The following NLRP14 variants were observed in gnomAD, a reference collection of about 807,000 sequenced individuals.
NLRP14 encodes NLR family pyrin domain containing 14, also known as NACHT, LRR and PYD domains-containing protein 14.
A neutral mutation model predicts 94.7 loss-of-function variants in NLRP14; 105 were observed. That is an observed-to-expected ratio of 1.11 (90% confidence interval 0.95 to 1.30). NLRP14 has a LOEUF of 1.30. Ranked by LOEUF, NLRP14 falls within the 50% of genes most tolerant of loss-of-function variation. The pLI is 0.00. For synonymous variants in NLRP14, 508 were observed against 459.9 expected, an observed-to-expected ratio of 1.10 and a Z score of -1.34; for missense variants, 1,362 against 1,254.1, an observed-to-expected ratio of 1.09 and a Z score of -1.30.
chr11:7,069,557 AG>A (rs1216663170), intron 10 of NLRP14, among the ~76,000 whole-genome samples: 1 of 152,230 alleles, frequency 6.6e-6, no homozygotes, highest in Non-Finnish European at 1.5e-5. Context: ...TATTCGAAAT[AG>A]GCCATGTAAT....
intron 6 of NLRP14, among the ~76,000 whole-genome samples, chr11:7,052,968 T>C (rs1028975918): frequency 1.1e-4 from 16 of 152,206 alleles, no homozygotes; most frequent in Admixed American, 1.0e-3. Context: ...ATTTCTTTTA[T>C]TCATTAATAA....
In NLRP14 at chr11:7,042,320, A is replaced by G. The variant is rs1852264669; in HGVS notation, c.362-68A>G. On this transcript the variant is annotated intron_variant, in intron 3 of 11. Coordinates refer to ENST00000299481, the MANE Select transcript of NLRP14 (RefSeq NM_176822.4). ...CCAAGTTCGGTATTCTTGACATTAC[A>G]TTTCATAGAATTTGTTTTGATCATG... is the stretch of plus-strand genomic sequence containing the variant. The G allele has an allele frequency of 2.2e-5, 29 of 1,306,210 alleles. No homozygotes were observed. The South Asian group carries it at 3.0e-4, about 13-fold the overall frequency. 80.9% of individuals were successfully genotyped at this position (1,306,210 alleles called of 1,614,324 possible). A position where few individuals can be genotyped will look rare whatever the true frequency, so the allele number is the denominator to read the frequency against.
the NLRP14 span, chr11:7,089,774 C>T: frequency 5.7e-6 from 9 of 1,585,698 alleles, no homozygotes; most frequent in South Asian, 2.2e-5. Context: ...CGTCCAGAGA[C>T]GGCTACTCGA....
intron 10 of NLRP14, among the ~76,000 whole-genome samples, chr11:7,064,726 A>G (rs930825497): frequency 6.6e-6 from 1 of 152,178 alleles, no homozygotes; most frequent in African/African-American, 2.4e-5. Flanking sequence ...TATTATCTGA[A>G]TATCAAAGGC....
chr11:7,083,562 C>T, the NLRP14 span, among the ~76,000 whole-genome samples: 14 of 152,326 alleles, frequency 9.2e-5, no homozygotes, highest in Admixed American at 9.2e-4. Context: ...TGTTCAGGGT[C>T]TTCTCCCAGG....
chr11:7,089,044 C>G, the NLRP14 span: 4 of 1,515,408 alleles, frequency 2.6e-6, no homozygotes, highest in East Asian at 7.2e-5. Context: ...CCGCCCTCGA[C>G]GAGCGAGCTC....
chr11:7,022,217 G>T (rs1307746430), intron 1 of NLRP14, among the ~76,000 whole-genome samples: 1 of 152,084 alleles, frequency 6.6e-6, no homozygotes. Flanking sequence ...GAAAATTATT[G>T]GTCATGGACC....
chr11:7,067,261 G>C lies in NLRP14; in HGVS notation c.2976-3025G>C, dbSNP rs182766740. Reference sequence around the variant, plus strand: ...AAGAAAGTCAATAGTAGCTTGATGGGGATAGCATTGAACCTATAAATTACT... The same window carrying C: ...AAGAAAGTCAATAGTAGCTTGATGGCGATAGCATTGAACCTATAAATTACT... On this transcript the variant is annotated intron_variant, in intron 10 of 11. Transcript: ENST00000299481. Among the ~76,000 whole-genome samples, 57 of 152,170 alleles carry C rather than the reference G, an allele frequency of 3.7e-4. No homozygotes were observed. In the East Asian group the frequency reaches 4.4e-3, roughly 12 times the overall value.
At chr11:7,062,047 T>A (rs1161175273) in intron 9 of NLRP14, among the ~76,000 whole-genome samples, 1 of 152,054 alleles carries the variant, frequency 6.6e-6, no homozygotes, top group Non-Finnish European at 1.5e-5. Flanking sequence ...GGAAAGTTTA[T>A]ATTCATTTTT....
At chr11:7,089,513 C>T in the NLRP14 span, 3 of 1,223,496 alleles carry the variant, frequency 2.5e-6, no homozygotes, top group East Asian at 3.9e-5. Flanking sequence ...ATGATGACGG[C>T]GGCTACACGG....
intron 1 of NLRP14, among the ~76,000 whole-genome samples, chr11:7,024,774 A>AGTCT (rs1851991717): frequency 1.2e-5 from 1 of 84,222 alleles, no homozygotes; most frequent in Non-Finnish European, 2.7e-5. Context: ...ATGTGAAAAA[A>AGTCT]GTATGTATTT....
chr11:7,033,572 A>G (rs1027260461), intron 1 of NLRP14, among the ~76,000 whole-genome samples: 11 of 152,212 alleles, frequency 7.2e-5, no homozygotes, highest in Admixed American at 6.5e-4. Flanking sequence ...CTGGGTGGAC[A>G]TCTTCAATTT....
chr11:7,069,227 A>G (rs1200637576), intron 10 of NLRP14, among the ~76,000 whole-genome samples: 1 of 152,198 alleles, frequency 6.6e-6, no homozygotes, highest in East Asian at 1.9e-4. Context: ...TTTGTGTGAT[A>G]TTTACATACC....
chr11:7,042,948 A>C lies in NLRP14; in HGVS notation c.922A>C (p.Arg308=), dbSNP rs752518751. 5 of 1,614,010 alleles carry C rather than the reference A, an allele frequency of 3.1e-6. No individual in the cohort carries two copies. In the East Asian group the frequency reaches 1.1e-4, roughly 36 times the overall value. Residue 308 remains arginine, a synonymous_variant, in exon 4 of 12, where the codon AGA becomes CGA. Transcript: ENST00000299481. Reference sequence around the variant, plus strand: ...TGAGGCATCCTTATTGGTGACAACAAGACTCACAACTTCTAAGAGACTAAA... The same window carrying C: ...TGAGGCATCCTTATTGGTGACAACACGACTCACAACTTCTAAGAGACTAAA... ...LPEASLLVTT[R]LTTSKRLKQL...
In NLRP14 at chr11:7,044,002, A is replaced by G; in HGVS notation, c.1958+18A>G. On this transcript the variant is annotated intron_variant, in intron 4 of 11. Coordinates refer to ENST00000299481, the MANE Select transcript of NLRP14 (RefSeq NM_176822.4). ...AACACTTGGTAAGTGTGTTAGGGCC[A>G]TTCCCTGGAAGTGCCCTGTAAGGGA... The G allele has an allele frequency of 6.2e-7, 1 of 1,610,806 alleles. No individual in the cohort carries two copies. Among genetic ancestry groups the G allele is most frequent in the Non-Finnish European group, 8.5e-7 (1 of 1,176,960 alleles).
the NLRP14 span, among the ~76,000 whole-genome samples, chr11:7,087,733 G>A: frequency 1.3e-5 from 2 of 151,986 alleles, no homozygotes; most frequent in Non-Finnish European, 1.5e-5. Context: ...AAGAAACAAA[G>A]ACAAATCACT....
chr11:7,069,007 T>G (rs1218495699), intron 10 of NLRP14, among the ~76,000 whole-genome samples: 7 of 152,216 alleles, frequency 4.6e-5, no homozygotes, highest in Admixed American at 3.3e-4. Context: ...TTTATCTAAA[T>G]TTTAGTGATT....
chr11:7,090,117 A>G, the NLRP14 span: 1 of 1,612,250 alleles, frequency 6.2e-7, no homozygotes, highest in Non-Finnish European at 8.5e-7. Flanking sequence ...TTATGGCCGG[A>G]GCGACCGCTA....
Position 7,055,024 on chromosome 11 carries a change from A to C in NLRP14, c.2292-2653A>C, listed in dbSNP as rs555802418. On this transcript the variant is annotated intron_variant, in intron 6 of 11. Coordinates refer to ENST00000299481, the MANE Select transcript of NLRP14 (RefSeq NM_176822.4). ...TCTAGTTTCCTTCTTTTACATATGA[A>C]TATCCAGTTTTCCCAGCACCATTTA... is the stretch of plus-strand genomic sequence containing the variant. 7.9e-5 allele frequency among the ~76,000 whole-genome samples: 12 copies of C among 152,278 alleles called. No homozygotes were observed. In the South Asian group the frequency reaches 2.3e-3, roughly 29 times the overall value.
Sources: allele counts gnomAD v4.1 joint callset (sites outside exome capture counted in the v4.1 genomes callset), GRCh38; gene constraint gnomAD v4.1.1; transcripts MANE v1.5; gene names NCBI Gene and HGNC (gene_info 2026-07-23, HGNC 2026-07-21).